The following CACNG3 variants were observed in gnomAD, a reference collection of about 807,000 sequenced individuals.
CACNG3 encodes the protein calcium voltage-gated channel auxiliary subunit gamma 3.
Under a neutral mutation model 28.5 loss-of-function variants are expected in CACNG3, and 3 were observed. The ratio of observed to expected loss-of-function variants is 0.11; its 90% CI spans 0.05 to 0.27. CACNG3 has a LOEUF of 0.27. Among genes scored for constraint, CACNG3 ranks in the 10% least tolerant of loss-of-function variants. The pLI is 1.00. For synonymous variants in CACNG3, 174 were observed against 162.2 expected (o/e 1.07, Z -0.55); for missense variants, 236 against 414.4 (o/e 0.57, Z 3.74).
intron 3 of CACNG3, among the ~76,000 whole-genome samples, chr16:24,360,341 T>C (rs1900089538): frequency 6.6e-6 from 1 of 152,184 alleles, no homozygotes; most frequent in Non-Finnish European, 1.5e-5. Context: ...TACTGACCAC[T>C]ACCTAGGAAA....
chr16:24,317,178 C>T (rs116708358), intron 1 of CACNG3, among the ~76,000 whole-genome samples: 3,641 of 152,102 alleles, frequency 0.024, 126 homozygotes, highest in African/African-American at 0.073. Context: ...TAGGTCATTC[C>T]GATTTTCCAA....
intron 2 of CACNG3, 72 bp from the exon 3 acceptor site, chr16:24,354,761 C>T: frequency 2.0e-6 from 3 of 1,507,896 alleles, no homozygotes; most frequent in African/African-American, 2.8e-5. Flanking sequence ...CTCAGGCACT[C>T]CTGCGCTTGC....
intron 2 of CACNG3, among the ~76,000 whole-genome samples, chr16:24,349,684 T>G (rs1899915306): frequency 6.6e-6 from 1 of 152,180 alleles, no homozygotes; most frequent in Admixed American, 6.5e-5. Context: ...AGAGGTCACT[T>G]TCATCACCAT....
intron 2 of CACNG3, among the ~76,000 whole-genome samples, chr16:24,352,694 C>A (rs1567225706): frequency 6.6e-6 from 1 of 152,180 alleles, no homozygotes; most frequent in Non-Finnish European, 1.5e-5. Flanking sequence ...CACACACCAC[C>A]ATGCCTGGCT....
chr16:24,316,363 G>A (rs1463518605), intron 1 of CACNG3, among the ~76,000 whole-genome samples: 2 of 151,652 alleles, frequency 1.3e-5, no homozygotes, highest in African/African-American at 4.8e-5. Flanking sequence ...CCCTCACTGA[G>A]GACCAGGCTT....
At chr16:24,332,645 G>A (rs1899646124) in intron 1 of CACNG3, among the ~76,000 whole-genome samples, 2 of 152,184 alleles carry the variant, frequency 1.3e-5, no homozygotes, top group South Asian at 4.2e-4. Flanking sequence ...GCTCAGCTCA[G>A]GGTCCTTGTT....
At chr16:24,309,420 A>G (rs1006708810) in intron 1 of CACNG3, among the ~76,000 whole-genome samples, 1 of 152,190 alleles carries the variant, frequency 6.6e-6, no homozygotes, top group Non-Finnish European at 1.5e-5. Context: ...ACAAAAAGCT[A>G]TGAGCCACAC....
intron 1 of CACNG3, among the ~76,000 whole-genome samples, chr16:24,322,562 T>A (rs1053269312): frequency 6.6e-6 from 1 of 152,122 alleles, no homozygotes; most frequent in African/African-American, 2.4e-5. Flanking sequence ...GACTTTTACA[T>A]TTGTAAAATA....
Position 24,265,475 on chromosome 16 carries a change from A to AGG in CACNG3, c.211+8511_211+8512insGG, listed in dbSNP as rs1261822929. On this transcript the variant is annotated intron_variant, in intron 1 of 3. Coordinates refer to ENST00000005284, the MANE Select transcript of CACNG3 (RefSeq NM_006539.4). The stretch of plus-strand genomic sequence containing the variant: ...AGAAAGAAGAAGGAAGGAAGGAGAG[A>AGG]GAGAGAGAAAGAGAAAGAAGGAAAG... Among the ~76,000 whole-genome samples, 15 of 150,724 alleles carry AGG rather than the reference A, an allele frequency of 1.0e-4. No homozygotes were observed. In the East Asian group the frequency reaches 2.7e-3, roughly 28 times the overall value.
At position 24,258,923 on chromosome 16, in the gene CACNG3, C is replaced by A. The variant is rs147045208; in HGVS notation, c.211+1958C>A. Among the ~76,000 whole-genome samples the A allele has an allele frequency of 6.6e-3, 1,005 of 152,286 alleles. 23 individuals are homozygous for A. The highest frequency in any genetic ancestry group is 0.05 in the Admixed American group (765 of 15,298). On this transcript the variant is annotated intron_variant, in intron 1 of 3. Coordinates refer to ENST00000005284, the MANE Select transcript of CACNG3 (RefSeq NM_006539.4). ...TATATCTATAAGAGCAGAGGTAGGA[C>A]CTAAAATTTCTAAACACTTGCTAAG...
intron 1 of CACNG3, among the ~76,000 whole-genome samples, chr16:24,289,049 C>G (rs1015776725): frequency 6.6e-6 from 1 of 152,146 alleles, no homozygotes; most frequent in Non-Finnish European, 1.5e-5. Context: ...GGATGCAGCT[C>G]AAATGTCCTC....
intron 1 of CACNG3, among the ~76,000 whole-genome samples, chr16:24,300,635 A>G (rs1019326645): frequency 1.4e-4 from 20 of 147,070 alleles, no homozygotes; most frequent in African/African-American, 4.8e-4. Flanking sequence ...AAAAAAAAAA[A>G]CCATAGACTG....
At chr16:24,347,457 T>A (rs750717730) in intron 2 of CACNG3, among the ~76,000 whole-genome samples, 1 of 152,184 alleles carries the variant, frequency 6.6e-6, no homozygotes, top group African/African-American at 2.4e-5. Context: ...TTAGTCAGTT[T>A]AGGAGAAAAA....
In CACNG3 at chr16:24,269,863, G is replaced by GT. The variant is rs541288605; in HGVS notation, c.211+12909dup. On this transcript the variant is annotated intron_variant, in intron 1 of 3. Coordinates refer to ENST00000005284, the MANE Select transcript of CACNG3 (RefSeq NM_006539.4). ...AATCTGTGTTATTTGTTCATTTGTTGTTTTTTTTTTTCCATTTTATCCACG... is the reference window on the plus strand; with the variant it reads ...AATCTGTGTTATTTGTTCATTTGTTGTTTTTTTTTTTTCCATTTTATCCACG... 1.5e-3 allele frequency among the ~76,000 whole-genome samples: 218 copies of GT among 144,150 alleles called. 2 individuals are homozygous for GT. The highest frequency in any genetic ancestry group is 7.1e-3 in the Middle Eastern group (2 of 282). The allele number at this position is 144,150 out of a possible 152,430, so 94.6% of individuals were successfully genotyped here.
At chr16:24,351,865 C>T (rs1428160696) in intron 2 of CACNG3, among the ~76,000 whole-genome samples, 1 of 141,184 alleles carries the variant, frequency 7.1e-6, no homozygotes, top group Non-Finnish European at 1.5e-5. Context: ...GACAGAATCT[C>T]GCAGTGGCGC....
At position 24,256,629 on chromosome 16, in the gene CACNG3, C is replaced by T. The variant is rs1188639422; in HGVS notation, c.-126C>T. ...AGCTTTCCCAAAGTCCCTGTGGATG[C>T]TGACAAAAGGAGACCTGAATTTTTG... On this transcript the variant is annotated 5_prime_UTR_variant, in exon 1 of 4. Transcript: ENST00000005284. The surrounding 1 kb of genome is among the most constrained non-coding windows in gnomAD (Gnocchi z 4.6). The T allele has an allele frequency of 1.4e-6, 1 of 695,616 alleles. No homozygotes were observed. The highest frequency in any genetic ancestry group is 1.8e-5 in the African/African-American group (1 of 56,550). 43.1% of individuals were successfully genotyped at this position (695,616 alleles called of 1,614,324 possible).
chr16:24,346,236 A>G (rs1321385836), intron 1 of CACNG3, among the ~76,000 whole-genome samples: 1 of 152,116 alleles, frequency 6.6e-6, no homozygotes, highest in Non-Finnish European at 1.5e-5. Context: ...TGTATTGTTT[A>G]TCTTTTGCCT....
intron 1 of CACNG3, among the ~76,000 whole-genome samples, chr16:24,276,371 A>G (rs11646923): frequency 0.19 from 29,659 of 152,218 alleles, 3,512 homozygotes; most frequent in Non-Finnish European, 0.28. Context: ...TTAAATAGAT[A>G]CAACCCACAT....
chr16:24,276,208 ATTC>A (rs760553694), intron 1 of CACNG3, among the ~76,000 whole-genome samples: 13 of 152,210 alleles, frequency 8.5e-5, no homozygotes, highest in Non-Finnish European at 1.8e-4. Context: ...CGTAAAAACA[ATTC>A]TTCTCACTAT....
Sources: gnomAD v4.1 joint callset for allele counts (sites outside exome capture counted in the v4.1 genomes callset) on GRCh38, gnomAD v4.1.1 for gene constraint, Gnocchi (gnomAD v3.1) non-coding constraint, MANE v1.5 for transcripts, NCBI Gene and HGNC (gene_info 2026-07-23, HGNC 2026-07-21) for gene names.